TRIM37: variants seen among roughly 807,000 people sequenced by gnomAD.
TRIM37 encodes the protein tripartite motif containing 37.
A neutral mutation model predicts 129.8 loss-of-function variants in TRIM37; 80 were observed. The ratio of observed to expected loss-of-function variants is 0.62; its 90% CI spans 0.51 to 0.74. The LOEUF (loss-of-function observed/expected upper bound fraction) is 0.74. Among genes scored for constraint, TRIM37 ranks in the 30% least tolerant of loss-of-function variants. The pLI, the probability that TRIM37 is intolerant of heterozygous loss-of-function variation, is 0.00. For synonymous variants in TRIM37, 389 were observed against 387.1 expected (o/e 1.00, Z -0.06); for missense variants, 1,054 against 1,176.5 (o/e 0.90, Z 1.52).
At chr17:59,046,619 C>T (rs1197807893) in intron 16 of TRIM37, among the ~76,000 whole-genome samples, 1 of 150,456 alleles carries the variant, frequency 6.6e-6, no homozygotes, top group Admixed American at 6.6e-5. Context: ...TCACTGCAAG[C>T]TCCGCCTCCC....
In TRIM37 at chr17:58,998,801, C is replaced by A; in HGVS notation, c.*576G>T. On this transcript the variant is annotated 3_prime_UTR_variant, in exon 24 of 24. Transcript: ENST00000262294. Reference sequence around the variant, plus strand: ...CATGCGGTTGAACAGTGTGCCTGTACTTGAACAAGTGAGAGAAGATACATA... The same window carrying A: ...CATGCGGTTGAACAGTGTGCCTGTAATTGAACAAGTGAGAGAAGATACATA... 1.0e-6 allele frequency: 1 copy of A among 987,784 alleles called. No homozygotes were observed. 61.2% of individuals were successfully genotyped at this position (987,784 alleles called of 1,614,324 possible).
chr17:58,986,250 G>A (rs2031798928), intron 24 of TRIM37, among the ~76,000 whole-genome samples: 1 of 151,834 alleles, frequency 6.6e-6, no homozygotes, highest in African/African-American at 2.4e-5. Context: ...CCAGGCCGGA[G>A]TGCAGTGACG....
intron 20 of TRIM37, among the ~76,000 whole-genome samples, chr17:59,016,413 A>C (rs1361366954): frequency 4.0e-5 from 6 of 151,320 alleles, no homozygotes; most frequent in African/African-American, 1.2e-4. Flanking sequence ...AAAAAAAAAA[A>C]AACTTCAAAA....
downstream of TRIM37, chr17:58,981,247 T>C (rs1474196093): frequency 5.9e-6 from 3 of 508,022 alleles, no homozygotes; most frequent in Non-Finnish European, 6.9e-6. Flanking sequence ...ACACAGCTGG[T>C]CCCTGTGATG....
chr17:59,085,382 T>C (rs2043663895), intron 4 of TRIM37, among the ~76,000 whole-genome samples: 1 of 152,016 alleles, frequency 6.6e-6, no homozygotes, highest in South Asian at 2.1e-4. Context: ...ATAACACCTG[T>C]AACTCAACAA....
At chr17:59,062,417 T>C in intron 11 of TRIM37, 150 bp downstream of exon 11, 3 of 678,002 alleles carry the variant, frequency 4.4e-6, no homozygotes, top group South Asian at 3.4e-5. Flanking sequence ...AGTTGTCTAA[T>C]ATGGGGGAAG....
At chr17:58,995,712 G>T (rs562113255), downstream of TRIM37, among the ~76,000 whole-genome samples, 1 of 152,138 alleles carries the variant, frequency 6.6e-6, no homozygotes, top group South Asian at 2.1e-4. Flanking sequence ...AGGCAAGATC[G>T]ACTACTAGGT....
intron 11 of TRIM37, 36 bp from the exon 12 acceptor site, chr17:59,061,144 T>A: frequency 3.2e-6 from 5 of 1,571,918 alleles, no homozygotes; most frequent in Non-Finnish European, 3.5e-6. Context: ...TGTAAAAAAA[T>A]TAAGCCACAA....
At chr17:59,084,764 T>TCCTCTATAAAGAGGAGG (rs2043604247) in intron 4 of TRIM37, among the ~76,000 whole-genome samples, 1 of 152,048 alleles carries the variant, frequency 6.6e-6, no homozygotes, top group Non-Finnish European at 1.5e-5. Context: ...AGGACTGGTG[T>TCCTCTATAAAGAGGAGG]CCTCTATAAA....
chr17:59,091,404 A>G (rs1190734507), intron 2 of TRIM37, 64 bp from the exon 3 acceptor site: 3 of 487,528 alleles, frequency 6.2e-6, no homozygotes, highest in Middle Eastern at 1.1e-3. Flanking sequence ...ATATTACTTA[A>G]TATTTTATAT....
At chr17:59,031,544 A>C (rs1016048555) in intron 18 of TRIM37, among the ~76,000 whole-genome samples, 1 of 152,256 alleles carries the variant, frequency 6.6e-6, no homozygotes, top group Non-Finnish European at 1.5e-5. Context: ...TCTACGTTCA[A>C]TTTAGATATA....
chr17:59,096,528 G>C (rs1248395116), intron 2 of TRIM37, among the ~76,000 whole-genome samples: 3 of 147,504 alleles, frequency 2.0e-5, no homozygotes, highest in Non-Finnish European at 4.5e-5. Flanking sequence ...CTACAGCCTG[G>C]GTGACAGTGA....
intron 7 of TRIM37, among the ~76,000 whole-genome samples, chr17:59,077,870 T>C (rs2042949555): frequency 6.7e-6 from 1 of 148,182 alleles, no homozygotes; most frequent in African/African-American, 2.5e-5. Flanking sequence ...ACGCCTGTTA[T>C]CCCAGCACTT....
rs139545748 is a variant in TRIM37 at position 59,038,782 on chromosome 17, G to A, written c.1753+3031C>T. On this transcript the variant is annotated intron_variant, in intron 17 of 23. Transcript: ENST00000262294. ...ATACCAGACAAGGATTAAGTCACAC[G>A]CTCCCTATACTTAAAGAATAAACTA... 7.6e-4 allele frequency among the ~76,000 whole-genome samples: 116 copies of A among 152,234 alleles called. 1 individual carries two copies. Among genetic ancestry groups the A allele is most frequent in the Non-Finnish European group, 1.5e-3 (101 of 68,014 alleles).
intron 22 of TRIM37, among the ~76,000 whole-genome samples, chr17:59,011,093 C>T (rs1037280220): frequency 5.9e-5 from 9 of 151,666 alleles, no homozygotes; most frequent in Non-Finnish European, 1.2e-4. Flanking sequence ...CGCTTGAACC[C>T]GGGAGTTGGA....
chr17:58,981,074 T>C (rs751381258), downstream of TRIM37: 2 of 1,356,296 alleles, frequency 1.5e-6, no homozygotes, highest in South Asian at 1.4e-5. Context: ...CCAATAAAAA[T>C]ACCACTATCA....
At chr17:59,001,870 G>A in intron 22 of TRIM37, 156 bp from the exon 23 acceptor site, 1 of 1,073,546 alleles carries the variant, frequency 9.3e-7, no homozygotes, top group Non-Finnish European at 1.3e-6. Context: ...AAAGACAAAA[G>A]TAACCGCACA....
chr17:59,064,533 A>G, intron 9 of TRIM37, 128 bp from the exon 10 acceptor site: 1 of 666,970 alleles, frequency 1.5e-6, no homozygotes, highest in Non-Finnish European at 2.6e-6. Flanking sequence ...ATATTTTTAA[A>G]TCTTTATTGA....
At chr17:59,105,220 G>A (rs2045889029) in intron 1 of TRIM37, among the ~76,000 whole-genome samples, 1 of 152,024 alleles carries the variant, frequency 6.6e-6, no homozygotes, top group Non-Finnish European at 1.5e-5. Flanking sequence ...GGAAAAAGAA[G>A]TTTAAAAAGA....
Sources: allele counts gnomAD v4.1 joint callset (sites outside exome capture counted in the v4.1 genomes callset), GRCh38; gene constraint gnomAD v4.1.1; transcripts MANE v1.5; gene names NCBI Gene and HGNC (gene_info 2026-07-23, HGNC 2026-07-21).